The following PCDH9 variants were observed in gnomAD, a reference collection of about 807,000 sequenced individuals.
The protein encoded by PCDH9 is protocadherin-9.
In PCDH9, 24 loss-of-function variants were observed where a neutral mutation model predicts 70.6. That is an observed-to-expected ratio of 0.34 (90% CI 0.25 to 0.48). PCDH9 has a LOEUF of 0.48. Among genes scored for constraint, PCDH9 ranks in the 20% least tolerant of loss-of-function variants. The pLI is 0.99. For missense variants in PCDH9, 1,281 were observed against 1,503.6 expected, an observed-to-expected ratio of 0.85 and a Z score of 2.45; for synonymous variants, 562 against 558.5, an observed-to-expected ratio of 1.01 and a Z score of -0.09.
chr13:66,427,894 T>C (rs9540755), intron 4 of PCDH9, among the ~76,000 whole-genome samples: 57,790 of 151,392 alleles, frequency 0.38, 11,940 homozygotes, highest in East Asian at 0.51. Flanking sequence ...AGAAAATTAA[T>C]GGAACTAAAT....
intron 2 of PCDH9, among the ~76,000 whole-genome samples, chr13:67,065,009 G>T (rs9571710): frequency 0.28 from 42,365 of 151,716 alleles, 6,081 homozygotes; most frequent in Admixed American, 0.34. Context: ...TGAACCTAAG[G>T]GATTATTTGA....
At chr13:66,692,486 A>C (rs189417718) in intron 3 of PCDH9, among the ~76,000 whole-genome samples, 325 of 152,128 alleles carry the variant, frequency 2.1e-3, no homozygotes, top group African/African-American at 7.7e-3. Context: ...TGAATAAAAG[A>C]AAATAATGTT....
At chr13:66,849,513 T>TAGAGAGAGAGAGAGAGAGAG (rs1421579866) in intron 3 of PCDH9, among the ~76,000 whole-genome samples, 11 of 77,240 alleles carry the variant, frequency 1.4e-4, no homozygotes, top group African/African-American at 5.9e-4. Context: ...TATATATATA[T>TAGAGAGAGAGAGAGAGAGAG]ATATAGAGAG....
At chr13:67,166,034 G>C (rs1186206016) in intron 2 of PCDH9, among the ~76,000 whole-genome samples, 1 of 151,968 alleles carries the variant, frequency 6.6e-6, no homozygotes, top group East Asian at 1.9e-4. Context: ...TTTTTCTCTT[G>C]AGTTAAAAAA....
chr13:66,550,657 T>C (rs903513398), intron 4 of PCDH9, among the ~76,000 whole-genome samples: 2 of 152,086 alleles, frequency 1.3e-5, no homozygotes, highest in African/African-American at 4.8e-5. Context: ...CCCATATCAG[T>C]TCTGAATTTT....
At chr13:67,079,409 T>C (rs1228728006) in intron 2 of PCDH9, among the ~76,000 whole-genome samples, 1 of 152,122 alleles carries the variant, frequency 6.6e-6, no homozygotes. Context: ...CTTGCCCAAA[T>C]TCCTATCTAA....
chr13:66,530,835 G>A (rs1043575707), intron 4 of PCDH9, among the ~76,000 whole-genome samples: 3 of 152,040 alleles, frequency 2.0e-5, no homozygotes, highest in African/African-American at 7.2e-5. Context: ...AACACTAACT[G>A]CTGAAATATA....
chr13:66,604,961 T>C (rs915631251), intron 4 of PCDH9, among the ~76,000 whole-genome samples: 1 of 152,058 alleles, frequency 6.6e-6, no homozygotes, highest in African/African-American at 2.4e-5. Flanking sequence ...GCTCATCAAA[T>C]GGAGATTTTT....
At chr13:67,077,785 G>C (rs1367591374) in intron 2 of PCDH9, among the ~76,000 whole-genome samples, 3 of 151,730 alleles carry the variant, frequency 2.0e-5, no homozygotes, top group African/African-American at 7.3e-5. Context: ...CTAACATTGA[G>C]GTCATCATTT....
chr13:66,779,389 G>T (rs778072171), intron 3 of PCDH9, among the ~76,000 whole-genome samples: 9 of 152,066 alleles, frequency 5.9e-5, no homozygotes, highest in Non-Finnish European at 1.2e-4. Context: ...CATACAATGG[G>T]ATCTTATTCA....
intron 4 of PCDH9, among the ~76,000 whole-genome samples, chr13:66,484,802 C>T (rs574336316): frequency 3.9e-5 from 6 of 152,134 alleles, no homozygotes; most frequent in Non-Finnish European, 8.8e-5. Flanking sequence ...GACTTTGTTT[C>T]CCTATCTGTA....
intron 2 of PCDH9, among the ~76,000 whole-genome samples, chr13:67,197,931 T>TA (rs2089113762): frequency 6.6e-6 from 1 of 151,750 alleles, no homozygotes; most frequent in African/African-American, 2.4e-5. Flanking sequence ...CATGAACTAA[T>TA]AATGCAAAGA....
intron 3 of PCDH9, among the ~76,000 whole-genome samples, chr13:66,734,141 G>T (rs558241690): frequency 6.6e-6 from 1 of 152,140 alleles, no homozygotes; most frequent in Non-Finnish European, 1.5e-5. Flanking sequence ...GTCACATGAT[G>T]TAAATTGACT....
chr13:66,752,021 G>A (rs914400698), intron 3 of PCDH9, among the ~76,000 whole-genome samples: 4 of 152,088 alleles, frequency 2.6e-5, no homozygotes, highest in African/African-American at 9.7e-5. Flanking sequence ...AAGGAGACAG[G>A]GAAGACCACA....
intron 3 of PCDH9, among the ~76,000 whole-genome samples, chr13:66,768,450 T>G (rs1000191846): frequency 2.6e-5 from 4 of 152,092 alleles, no homozygotes; most frequent in Non-Finnish European, 4.4e-5. Flanking sequence ...TTCCTTTCTC[T>G]TCAGGGAAAT....
At chr13:67,003,679 A>C (rs1405786529) in intron 2 of PCDH9, among the ~76,000 whole-genome samples, 1 of 152,202 alleles carries the variant, frequency 6.6e-6, no homozygotes, top group Non-Finnish European at 1.5e-5. Context: ...GAATTTTATT[A>C]CTTTGTGCAC....
intron 2 of PCDH9, among the ~76,000 whole-genome samples, chr13:67,145,721 A>C (rs2087507529): frequency 6.6e-6 from 1 of 151,954 alleles, no homozygotes. Flanking sequence ...CAAACCATCC[A>C]TCTCAAAAGG....
chr13:67,161,044 T>G (rs1312724675), intron 2 of PCDH9, among the ~76,000 whole-genome samples: 2 of 152,234 alleles, frequency 1.3e-5, no homozygotes, highest in Non-Finnish European at 2.9e-5. Flanking sequence ...GAAGAGTATC[T>G]TTCTAGGGTG....
At chr13:67,003,994 C>T (rs2084297739) in intron 2 of PCDH9, among the ~76,000 whole-genome samples, 1 of 152,094 alleles carries the variant, frequency 6.6e-6, no homozygotes, top group Non-Finnish European at 1.5e-5. Context: ...TAAATCTTCT[C>T]TATAGTCCCA....
Sources: gnomAD v4.1 joint callset for allele counts (sites outside exome capture counted in the v4.1 genomes callset) on GRCh38, gnomAD v4.1.1 for gene constraint, MANE v1.5 for transcripts, NCBI Gene and HGNC (gene_info 2026-07-23, HGNC 2026-07-21) for gene names.